Variants in HLCS observed in about 807,000 individuals in gnomAD.
HLCS encodes biotin--protein ligase.
HLCS carries 53 observed loss-of-function variants against 75.0 expected under a neutral mutation model. That is an observed-to-expected ratio of 0.71 (90% CI 0.57 to 0.89). The LOEUF (loss-of-function observed/expected upper bound fraction) is 0.89, where lower values mean the gene tolerates loss of function less well. Ranked by LOEUF, HLCS falls within the 40% of genes least tolerant of loss-of-function variation. The probability of loss-of-function intolerance (pLI) is 0.00; values close to 1 mark genes in which losing one functional copy is unlikely to be tolerated. For synonymous variants in HLCS, 431 were observed against 428.6 expected, an observed-to-expected ratio of 1.01 and a Z score of -0.07; for missense variants, 966 against 1,074.0, an observed-to-expected ratio of 0.90 and a Z score of 1.41.
At chr21:36,963,317 A>G (rs754946966) in intron 1 of HLCS, among the ~76,000 whole-genome samples, 1 of 152,246 alleles carries the variant, frequency 6.6e-6, no homozygotes, top group Non-Finnish European at 1.5e-5. Context: ...ACCATCACCC[A>G]GAACGAAGGT....
intron 2 of HLCS, among the ~76,000 whole-genome samples, chr21:36,951,487 C>A (rs1274167448): frequency 2.0e-5 from 3 of 152,228 alleles, no homozygotes; most frequent in Non-Finnish European, 4.4e-5. Context: ...AGGTCCCCCC[C>A]ATAATCCCTA....
upstream of HLCS, among the ~76,000 whole-genome samples, chr21:36,969,059 G>A (rs2068715706): frequency 6.6e-6 from 1 of 152,198 alleles, no homozygotes; most frequent in Non-Finnish European, 1.5e-5. Context: ...TTCAACATGA[G>A]CTGACCCTTG....
chr21:36,880,569 A>C (rs1013268558), intron 6 of HLCS, among the ~76,000 whole-genome samples: 1 of 152,104 alleles, frequency 6.6e-6, no homozygotes, highest in African/African-American at 2.4e-5. Context: ...TTGTTTCCGG[A>C]AGTGGAAAGG....
chr21:36,977,742 G>A (rs2068979723), intron 1 of HLCS, among the ~76,000 whole-genome samples: 1 of 152,134 alleles, frequency 6.6e-6, no homozygotes, highest in South Asian at 2.1e-4. Context: ...CACATTCAGT[G>A]GCCATGTGAC....
At chr21:36,854,629 G>A (rs2063124287) in intron 6 of HLCS, among the ~76,000 whole-genome samples, 1 of 152,260 alleles carries the variant, frequency 6.6e-6, no homozygotes, top group Non-Finnish European at 1.5e-5. Context: ...ACCCCATAGC[G>A]AGGTCCTCTG....
intron 5 of HLCS, among the ~76,000 whole-genome samples, chr21:36,907,239 T>C (rs2065498607): frequency 6.6e-6 from 1 of 152,166 alleles, no homozygotes; most frequent in Non-Finnish European, 1.5e-5. Flanking sequence ...GGAGAAAACC[T>C]TTCTGACTTT....
intron 7 of HLCS, among the ~76,000 whole-genome samples, chr21:36,766,461 A>AT (rs201032441): frequency 8.6e-5 from 13 of 151,046 alleles, no homozygotes; most frequent in Middle Eastern, 6.9e-3. Flanking sequence ...TGACAAAAAC[A>AT]TTTTTTTTTT....
chr21:36,802,852 T>G (rs2061248803), intron 6 of HLCS, among the ~76,000 whole-genome samples: 1 of 152,166 alleles, frequency 6.6e-6, no homozygotes, highest in Non-Finnish European at 1.5e-5. Flanking sequence ...CAGTCCATAG[T>G]CATATATGAG....
At chr21:36,841,441 G>A (rs1349407964) in intron 6 of HLCS, among the ~76,000 whole-genome samples, 1 of 152,082 alleles carries the variant, frequency 6.6e-6, no homozygotes. Flanking sequence ...GGTCATGTGA[G>A]GTCTGTGTAA....
chr21:36,896,495 TAAATG>T, intron 6 of HLCS: 1 of 303,244 alleles, frequency 3.3e-6, no homozygotes, highest in South Asian at 3.8e-5. Flanking sequence ...CATCCTGTAT[TAAATG>T]TCTAACACTG....
chr21:36,938,222 A>G (rs994047980), intron 3 of HLCS, among the ~76,000 whole-genome samples: 6 of 152,222 alleles, frequency 3.9e-5, no homozygotes, highest in Admixed American at 1.3e-4. Flanking sequence ...TAGTCTAGAC[A>G]CTAGTTATAC....
chr21:36,838,689 G>C (rs948810818), intron 6 of HLCS, among the ~76,000 whole-genome samples: 2 of 148,158 alleles, frequency 1.3e-5, no homozygotes, highest in Non-Finnish European at 3.0e-5. Flanking sequence ...GGGCGACAGA[G>C]CGAGACTCCG....
chr21:36,988,688 A>T (rs989904543), intron 1 of HLCS, among the ~76,000 whole-genome samples: 1 of 152,210 alleles, frequency 6.6e-6, no homozygotes, highest in Admixed American at 6.5e-5. Flanking sequence ...GTATGAGAGC[A>T]TCTGTTACCC....
chr21:36,896,931 C>T lies in HLCS; in HGVS notation c.1821G>A (p.Leu607=), dbSNP rs147495853. The change falls in exon 6 of 11, where the codon CTG becomes CTA. Residue 607 remains leucine (L), a synonymous_variant. Transcript: ENST00000674895. Reference sequence around the variant, plus strand: ...TTACTTTCCCCAACTGCTTGGTCTGCAGATTTTGGCGATAGATCTCTAAGT... The same window carrying T: ...TTACTTTCCCCAACTGCTTGGTCTGTAGATTTTGGCGATAGATCTCTAAGT... ...HFNLEIYRQN[L]QTKQLGKVIL... The T allele has an allele frequency of 4.1e-5, 66 of 1,614,168 alleles. 1 individual carries two copies. The East Asian group carries it at 1.4e-3, about 35-fold the overall frequency.
chr21:36,872,692 G>A (rs1177996576), intron 6 of HLCS, among the ~76,000 whole-genome samples: 1 of 152,176 alleles, frequency 6.6e-6, no homozygotes, highest in Non-Finnish European at 1.5e-5. Context: ...GCTAAGTAGT[G>A]TACCTTTGTA....
intron 6 of HLCS, among the ~76,000 whole-genome samples, chr21:36,890,840 C>CA (rs1446430905): frequency 6.6e-6 from 1 of 152,198 alleles, no homozygotes; most frequent in Admixed American, 6.5e-5. Flanking sequence ...TAATTATCTT[C>CA]ACCTGTGATC....
At chr21:36,754,825 T>C (rs954300780) in intron 10 of HLCS, among the ~76,000 whole-genome samples, 2 of 152,208 alleles carry the variant, frequency 1.3e-5, no homozygotes, top group Non-Finnish European at 2.9e-5. Context: ...CAAAGTTGGC[T>C]CATATCAGCC....
At chr21:36,935,139 T>C (rs1233533679) in intron 4 of HLCS, among the ~76,000 whole-genome samples, 1 of 152,226 alleles carries the variant, frequency 6.6e-6, no homozygotes, top group Admixed American at 6.5e-5. Flanking sequence ...AACTGAAATA[T>C]GGCTCTAGGA....
intron 2 of HLCS, among the ~76,000 whole-genome samples, chr21:36,945,748 C>T (rs555611220): frequency 9.2e-5 from 14 of 152,298 alleles, no homozygotes; most frequent in African/African-American, 3.4e-4. Context: ...AATGATTGCA[C>T]AACTTTGTGA....
Sources: gnomAD v4.1 joint callset for allele counts (sites outside exome capture counted in the v4.1 genomes callset) on GRCh38, gnomAD v4.1.1 for gene constraint, MANE v1.5 for transcripts, NCBI Gene and HGNC (gene_info 2026-07-23, HGNC 2026-07-21) for gene names.